Variants in BTBD9 observed in about 807,000 individuals in gnomAD.
BTBD9 encodes BTB domain containing 9, also known as BTB/POZ domain-containing protein 9.
BTBD9 carries 49 observed loss-of-function variants against 64.3 expected under a neutral mutation model. The ratio of observed to expected loss-of-function variants is 0.76; its 90% CI spans 0.61 to 0.97. The LOEUF (loss-of-function observed/expected upper bound fraction) is 0.97. BTBD9 is among the 50% of genes least tolerant of loss of function. The pLI is 0.00. For missense variants in BTBD9, 598 were observed against 762.1 expected, an observed-to-expected ratio of 0.78 and a Z score of 2.53; for synonymous variants, 260 against 274.7, an observed-to-expected ratio of 0.95 and a Z score of 0.53.
At chr6:38,493,026 A>G (rs1326652568) in intron 6 of BTBD9, among the ~76,000 whole-genome samples, 1 of 152,226 alleles carries the variant, frequency 6.6e-6, no homozygotes, top group Non-Finnish European at 1.5e-5. Flanking sequence ...TTAAAGCAAA[A>G]AAGAAAAAAA....
chr6:38,592,817 T>A lies in BTBD9; in HGVS notation c.573A>T (p.Leu191Phe). Residue 191 changes from leucine (L) to phenylalanine (F), a missense_variant, in exon 4 of 11, where the codon TTA becomes TTT. Coordinates refer to ENST00000481247, the MANE Select transcript of BTBD9 (RefSeq NM_001099272.2). ...LSKTALLNIV[L>F]RDSFAAPEKD... ...TTTCGGGAGCTGCAAATGAGTCTCT[T>A]AACACGATGTTTAAAAGTGCTGTCT... is the stretch of plus-strand genomic sequence containing the variant. The A allele has an allele frequency of 6.2e-7, 1 of 1,614,162 alleles. No homozygotes were observed. Among genetic ancestry groups the A allele is most frequent in the Non-Finnish European group, 8.5e-7 (1 of 1,179,982 alleles).
chr6:38,178,187 A>G (rs1761368538), intron 10 of BTBD9, among the ~76,000 whole-genome samples: 1 of 152,218 alleles, frequency 6.6e-6, no homozygotes, highest in Non-Finnish European at 1.5e-5. Flanking sequence ...TACCTGTATT[A>G]AATCACAAAC....
intron 6 of BTBD9, among the ~76,000 whole-genome samples, chr6:38,450,436 A>G (rs571440703): frequency 1.2e-4 from 18 of 152,378 alleles, no homozygotes; most frequent in African/African-American, 4.1e-4. Context: ...TACAAAAATG[A>G]TAACTATGTG....
At chr6:38,232,812 A>G (rs923900323) in intron 9 of BTBD9, among the ~76,000 whole-genome samples, 1 of 152,022 alleles carries the variant, frequency 6.6e-6, no homozygotes, top group African/African-American at 2.4e-5. Context: ...GCCTTTTTAA[A>G]TGAGTCTCTC....
At chr6:38,505,007 A>G (rs1252400046) in intron 6 of BTBD9, among the ~76,000 whole-genome samples, 1 of 152,198 alleles carries the variant, frequency 6.6e-6, no homozygotes, top group East Asian at 1.9e-4. Context: ...ACTCTATTAG[A>G]ACCATTTAAC....
At chr6:38,233,362 CCTTG>C (rs1763677534) in intron 9 of BTBD9, among the ~76,000 whole-genome samples, 1 of 152,108 alleles carries the variant, frequency 6.6e-6, no homozygotes, top group Non-Finnish European at 1.5e-5. Flanking sequence ...GGTCCCTGAC[CCTTG>C]AAGAGATATC....
At chr6:38,459,177 C>A (rs1314820374) in intron 6 of BTBD9, among the ~76,000 whole-genome samples, 1 of 152,054 alleles carries the variant, frequency 6.6e-6, no homozygotes, top group South Asian at 2.1e-4. Context: ...CACCACCACG[C>A]CTGGCTAATT....
chr6:38,338,816 T>C (rs183525222), intron 7 of BTBD9, among the ~76,000 whole-genome samples: 2 of 152,190 alleles, frequency 1.3e-5, no homozygotes, highest in African/African-American at 4.8e-5. Context: ...AGAAGAGCCA[T>C]TTAAAAAAGA....
intron 6 of BTBD9, among the ~76,000 whole-genome samples, chr6:38,499,478 T>C (rs1772099413): frequency 6.6e-6 from 1 of 152,224 alleles, no homozygotes; most frequent in Non-Finnish European, 1.5e-5. Context: ...GATTCTAATC[T>C]CCAACCTCTG....
intron 8 of BTBD9, among the ~76,000 whole-genome samples, chr6:38,258,473 T>C (rs1010896163): frequency 6.6e-6 from 1 of 152,228 alleles, no homozygotes; most frequent in Non-Finnish European, 1.5e-5. Context: ...CCAGCTGGCA[T>C]AGATAGTGAG....
intron 6 of BTBD9, among the ~76,000 whole-genome samples, chr6:38,394,667 A>C (rs572458599): frequency 7.0e-6 from 1 of 143,448 alleles, no homozygotes; most frequent in Non-Finnish European, 1.5e-5. Context: ...TCTAGGGGGG[A>C]AAAAAAAAAA....
chr6:38,311,076 G>A (rs1477869423), intron 7 of BTBD9, among the ~76,000 whole-genome samples: 1 of 152,182 alleles, frequency 6.6e-6, no homozygotes, highest in East Asian at 1.9e-4. Context: ...CTCCCAAAGT[G>A]CTGGGATTAC....
chr6:38,281,869 T>C (rs1034959127), intron 8 of BTBD9, among the ~76,000 whole-genome samples: 1 of 152,204 alleles, frequency 6.6e-6, no homozygotes, highest in Non-Finnish European at 1.5e-5. Context: ...CACATATCAA[T>C]TGCAAAAACA....
chr6:38,192,534 G>A lies in BTBD9; in HGVS notation c.1626C>T (p.His542=). The change falls in exon 10 of 11, where the codon CAC becomes CAT. Residue 542 remains histidine (H), a synonymous_variant. Coordinates refer to ENST00000481247, the MANE Select transcript of BTBD9 (RefSeq NM_001099272.2). The stretch of plus-strand genomic sequence containing the variant: ...AGACCCTTACCTCATTTGCTGTGTT[G>A]TGTGTCCCAACGATACGGATGAAGG... ...PASFIRIVGT[H]NTANEVFHCV... is the part of the protein sequence containing the mutation. 1 of 1,613,824 alleles carries A rather than the reference G, an allele frequency of 6.2e-7. No individual in the cohort carries two copies.
intron 6 of BTBD9, among the ~76,000 whole-genome samples, chr6:38,451,251 C>T (rs948157566): frequency 3.9e-5 from 6 of 152,182 alleles, no homozygotes; most frequent in Non-Finnish European, 1.5e-5. Context: ...ATTGCCCAGA[C>T]ACATACTGTG....
At chr6:38,635,954 T>C (rs564353119) in intron 1 of BTBD9, among the ~76,000 whole-genome samples, 1 of 152,204 alleles carries the variant, frequency 6.6e-6, no homozygotes, top group East Asian at 1.9e-4. Context: ...TCTTTTCCAG[T>C]TCTCACTCTC....
At chr6:38,266,274 A>G (rs1423455164) in intron 8 of BTBD9, among the ~76,000 whole-genome samples, 1 of 152,088 alleles carries the variant, frequency 6.6e-6, no homozygotes, top group East Asian at 1.9e-4. Context: ...ACACAGTCCA[A>G]TTTAATGAAA....
At chr6:38,279,416 G>A (rs1269883909) in intron 8 of BTBD9, among the ~76,000 whole-genome samples, 1 of 151,976 alleles carries the variant, frequency 6.6e-6, no homozygotes. Context: ...TTCAAAGGTA[G>A]ATCACTGCTT....
intron 7 of BTBD9, among the ~76,000 whole-genome samples, chr6:38,302,723 T>C (rs1392195543): frequency 6.6e-6 from 1 of 151,934 alleles, no homozygotes; most frequent in Non-Finnish European, 1.5e-5. Flanking sequence ...ACTTCCATAC[T>C]GTTTTCCACA....
Sources: allele counts gnomAD v4.1 joint callset (sites outside exome capture counted in the v4.1 genomes callset), GRCh38; gene constraint gnomAD v4.1.1; transcripts MANE v1.5; gene names NCBI Gene and HGNC (gene_info 2026-07-23, HGNC 2026-07-21).